Variants in TENT2 observed in about 807,000 individuals in gnomAD.
The protein encoded by TENT2 is poly(A) RNA polymerase GLD2.
In TENT2, 44 loss-of-function variants were observed where a neutral mutation model predicts 72.2. The observed-to-expected ratio is 0.61, with a 90% CI of 0.48 to 0.78. TENT2 has a LOEUF of 0.78. TENT2 is among the 30% of genes least tolerant of loss of function. The pLI is 0.00. For missense variants in TENT2, 541 were observed against 569.6 expected, an observed-to-expected ratio of 0.95 and a Z score of 0.51; for synonymous variants, 212 against 192.5, an observed-to-expected ratio of 1.10 and a Z score of -0.84.
chr5:79,682,898 G>C (rs1469158774), intron 14 of TENT2, among the ~76,000 whole-genome samples: 1 of 152,138 alleles, frequency 6.6e-6, no homozygotes, highest in African/African-American at 2.4e-5. Context: ...GAAATGCCTT[G>C]ATATATGTAT....
intron 11 of TENT2, among the ~76,000 whole-genome samples, chr5:79,666,093 A>G (rs1807561851): frequency 6.7e-6 from 1 of 150,078 alleles, no homozygotes; most frequent in African/African-American, 2.5e-5. Context: ...GATTCAAGCG[A>G]TTGTCTTGCC....
At chr5:79,650,661 C>T (rs1419646276) in intron 10 of TENT2, among the ~76,000 whole-genome samples, 1 of 152,068 alleles carries the variant, frequency 6.6e-6, no homozygotes, top group Non-Finnish European at 1.5e-5. Context: ...AGCTGTGTTT[C>T]TGTACTGAGG....
At chr5:79,676,645 A>G (rs898096144) in intron 12 of TENT2, among the ~76,000 whole-genome samples, 9 of 152,154 alleles carry the variant, frequency 5.9e-5, no homozygotes, top group African/African-American at 2.2e-4. Flanking sequence ...GTCTGTTAAC[A>G]TTACCAAAGA....
rs1810680852 is a variant in TENT2 at position 79,668,943 on chromosome 5, A to G, written c.1123A>G (p.Asn375Asp). The G allele has an allele frequency of 6.2e-7, 1 of 1,613,670 alleles. No homozygotes were observed. The highest frequency in any genetic ancestry group is 1.7e-5 in the Admixed American group (1 of 59,986). The change falls in exon 12 of 15, where the codon AAT becomes GAT. Residue 375 changes from asparagine to aspartate, a missense_variant. Coordinates refer to ENST00000453514, the MANE Select transcript of TENT2 (RefSeq NM_001114394.3). The stretch of plus-strand genomic sequence containing the variant: ...GCACCTTGTACATCAAGCTCCATGT[A>G]ATGTTCCTCCTTACCTCTCAAAGAA... ...QLHLVHQAPC[N>D]VPPYLSKNES... is the part of the protein sequence containing the mutation.
chr5:79,648,686 T>G lies in TENT2; in HGVS notation c.891T>G (p.Tyr297Ter). ...GAAACACATTCCTTCTCAGAACTTA[T>G]GCATACCGTAAGTTTGTTGTTTGTT... ...GIRNTFLLRT[Y>*]AYLENRVRPL... Residue 297 changes from tyrosine to a stop codon, truncating the protein, a stop_gained, in exon 9 of 15, where the codon TAT (tyrosine) becomes TAG (stop). Transcript: ENST00000453514. LOFTEE classifies it high-confidence loss of function. 1 of 1,587,530 alleles carries G rather than the reference T, an allele frequency of 6.3e-7. No homozygotes were observed. The highest frequency in any genetic ancestry group is 8.6e-7 in the Non-Finnish European group (1 of 1,166,712).
At chr5:79,679,714 G>T in intron 13 of TENT2, 44 bp downstream of exon 13, 1 of 1,106,312 alleles carries the variant, frequency 9.0e-7, no homozygotes, top group East Asian at 2.7e-5. Flanking sequence ...GGTACTAAGA[G>T]AATTACTTGA....
At chr5:79,657,847 G>A (rs562122739) in intron 11 of TENT2, among the ~76,000 whole-genome samples, 3 of 152,240 alleles carry the variant, frequency 2.0e-5, no homozygotes, top group African/African-American at 7.2e-5. Flanking sequence ...AAGAAGAGCT[G>A]TCTTCTAAAC....
At chr5:79,665,269 C>T (rs1373377533) in intron 11 of TENT2, among the ~76,000 whole-genome samples, 2 of 152,082 alleles carry the variant, frequency 1.3e-5, no homozygotes, top group East Asian at 1.9e-4. Context: ...CTTTTAATAA[C>T]GTAAATTTCT....
chr5:79,676,163 TACACACACACACAC>T lies in TENT2; in HGVS notation c.1209-3402_1209-3389del, dbSNP rs59618310. ...ACATATATATATACATATATATGTA[TACACACACACACAC>T]ACACACACACACAGCCATATGGTAT... On this transcript the variant is annotated intron_variant, in intron 12 of 14. Coordinates refer to ENST00000453514, the MANE Select transcript of TENT2 (RefSeq NM_001114394.3). Among the ~76,000 whole-genome samples the T allele has an allele frequency of 1.7e-3, 252 of 147,446 alleles. 3 individuals carry two copies. The highest frequency in any genetic ancestry group is 6.1e-3 in the African/African-American group (245 of 40,288).
intron 7 of TENT2, chr5:79,644,684 T>C (rs1036222877): frequency 1.3e-5 from 2 of 152,826 alleles, no homozygotes; most frequent in Admixed American, 6.5e-5. Flanking sequence ...ATATGTATTT[T>C]TCACTCATAG....
At position 79,685,911 on chromosome 5, in the gene TENT2, G is replaced by A. The variant is rs1825886972; in HGVS notation, c.*638G>A. On this transcript the variant is annotated 3_prime_UTR_variant, in exon 15 of 15. Transcript: ENST00000453514. ...TACTCTTGAGATTGCTTTAAATTTT[G>A]TATTGAAACAACAATACATTTTGCA... 6.6e-6 allele frequency: 1 copy of A among 152,568 alleles called. No individual in the cohort carries two copies. The highest frequency in any genetic ancestry group is 6.6e-5 in the Admixed American group (1 of 15,262). The allele number at this position is 152,568 out of a possible 1,614,324, so 9.5% of individuals were successfully genotyped here.
At chr5:79,630,913 T>C (rs1366790806) in intron 4 of TENT2, among the ~76,000 whole-genome samples, 1 of 151,458 alleles carries the variant, frequency 6.6e-6, no homozygotes, top group Admixed American at 6.6e-5. Context: ...AGCATGGATG[T>C]AGGGAAGTTG....
intron 10 of TENT2, 171 bp from the exon 11 acceptor site, chr5:79,656,787 A>G (rs1798277833): frequency 1.8e-5 from 9 of 514,104 alleles, no homozygotes; most frequent in East Asian, 1.6e-4. Context: ...CAACTTAAAT[A>G]TATTTTAAAT....
At chr5:79,641,302 C>T in intron 6 of TENT2, 106 bp downstream of exon 6, 2 of 940,810 alleles carry the variant, frequency 2.1e-6, no homozygotes, top group Non-Finnish European at 3.1e-6. Flanking sequence ...GTGATTACTT[C>T]TTTGAATTTT....
intron 4 of TENT2, among the ~76,000 whole-genome samples, chr5:79,632,184 A>G (rs1022174740): frequency 3.9e-5 from 6 of 152,218 alleles, no homozygotes; most frequent in African/African-American, 9.6e-5. Flanking sequence ...TAATGAATTC[A>G]TTAATAATAA....
At chr5:79,620,338 G>C (rs1028283216) in intron 3 of TENT2, among the ~76,000 whole-genome samples, 14 of 152,010 alleles carry the variant, frequency 9.2e-5, no homozygotes, top group African/African-American at 3.4e-4. Flanking sequence ...TATATCCCAG[G>C]TTTTCTTTTT....
chr5:79,643,836 T>G (rs1561511389), intron 7 of TENT2, among the ~76,000 whole-genome samples: 1 of 152,134 alleles, frequency 6.6e-6, no homozygotes, highest in Non-Finnish European at 1.5e-5. Flanking sequence ...TTTTAATAGT[T>G]AAGGAAACTG....
At chr5:79,626,031 G>A (rs1436518430) in intron 4 of TENT2, among the ~76,000 whole-genome samples, 1 of 151,920 alleles carries the variant, frequency 6.6e-6, no homozygotes, top group Non-Finnish European at 1.5e-5. Context: ...GTTTCACCAT[G>A]TTGGTCAGGC....
At chr5:79,613,649 C>T (rs186985706) in intron 1 of TENT2, among the ~76,000 whole-genome samples, 1 of 152,266 alleles carries the variant, frequency 6.6e-6, no homozygotes, top group Admixed American at 6.5e-5. Context: ...CTGGAAATGT[C>T]CTGTAACAGG....
Sources: allele counts gnomAD v4.1 joint callset (sites outside exome capture counted in the v4.1 genomes callset), GRCh38; gene constraint gnomAD v4.1.1; transcripts MANE v1.5; gene names NCBI Gene and HGNC (gene_info 2026-07-23, HGNC 2026-07-21).